The following DISC1 variants were observed in gnomAD, a reference collection of about 807,000 sequenced individuals.
The protein encoded by DISC1 is disrupted in schizophrenia 1 protein.
In DISC1, 57 loss-of-function variants were observed where a neutral mutation model predicts 84.5. That is an observed-to-expected ratio of 0.67 (90% CI 0.55 to 0.84). The LOEUF (loss-of-function observed/expected upper bound fraction) is 0.84, where lower values mean the gene tolerates loss of function less well. Ranked by LOEUF, DISC1 falls within the 40% of genes least tolerant of loss-of-function variation. The pLI is 0.00. For missense variants in DISC1, 1,000 were observed against 1,057.8 expected (o/e 0.95, Z 0.76); for synonymous variants, 411 against 415.2 (o/e 0.99, Z 0.12).
At chr1:231,866,707 A>G in intron 9 of DISC1, 1 of 1,361,452 alleles carries the variant, frequency 7.3e-7, no homozygotes, top group Non-Finnish European at 9.5e-7. Flanking sequence ...AAAAAAAGAA[A>G]AGAAAGCATG....
intron 10 of DISC1, among the ~76,000 whole-genome samples, chr1:231,977,674 TA>T (rs895591477): frequency 1.3e-5 from 2 of 152,188 alleles, no homozygotes; most frequent in Non-Finnish European, 2.9e-5. Flanking sequence ...AACATGGACA[TA>T]TCTGGGGAGC....
chr1:232,015,931 C>G (rs1383001088), intron 11 of DISC1, among the ~76,000 whole-genome samples: 1 of 152,100 alleles, frequency 6.6e-6, no homozygotes, highest in African/African-American at 2.4e-5. Flanking sequence ...TGATTAGGAA[C>G]CTCAGGCCAA....
intron 9 of DISC1, among the ~76,000 whole-genome samples, chr1:231,919,206 C>T (rs1390042332): frequency 6.6e-6 from 1 of 152,196 alleles, no homozygotes; most frequent in Non-Finnish European, 1.5e-5. Context: ...TTTATACCAG[C>T]TCAGTGGCAC....
intron 6 of DISC1, among the ~76,000 whole-genome samples, chr1:231,773,415 C>G (rs1297982594): frequency 2.0e-5 from 3 of 152,190 alleles, no homozygotes; most frequent in Admixed American, 2.0e-4. Flanking sequence ...GATAGAGTCT[C>G]TCTCTGTCAC....
chr1:231,889,166 G>A lies in DISC1; in HGVS notation c.1982-69662G>A, dbSNP rs146711108. 8.9e-3 allele frequency among the ~76,000 whole-genome samples: 1,357 copies of A among 152,292 alleles called. 5 individuals are homozygous for A. Among genetic ancestry groups the A allele is most frequent in the Middle Eastern group, 0.031 (9 of 294 alleles). On this transcript the variant is annotated intron_variant, in intron 9 of 12. Coordinates refer to ENST00000439617, the MANE Select transcript of DISC1 (RefSeq NM_018662.3). ...TAGGCAGAAAGCACCTGAGTTGACA[G>A]CAAGAACTGAGAGTTCTGGGTCTGC...
intron 1 of DISC1, among the ~76,000 whole-genome samples, chr1:231,689,421 T>A (rs892791326): frequency 2.6e-5 from 4 of 151,928 alleles, no homozygotes; most frequent in Non-Finnish European, 4.4e-5. Context: ...AACCTCCGTC[T>A]CCCAGGTTCC....
At position 231,796,657 on chromosome 1, in the gene DISC1, G is replaced by C. The variant is rs1403537297; in HGVS notation, c.1689+1361G>C. ...GGTAATTATAACTTGTGTACAAAGAGAGCTTCCTGTTAGGAACAAGTGGTG... is the reference window on the plus strand; with the variant it reads ...GGTAATTATAACTTGTGTACAAAGACAGCTTCCTGTTAGGAACAAGTGGTG... On this transcript the variant is annotated intron_variant, in intron 7 of 12. Transcript: ENST00000439617. Among the ~76,000 whole-genome samples, 7 of 152,290 alleles carry C rather than the reference G, an allele frequency of 4.6e-5. No homozygotes were observed. In the East Asian group the frequency reaches 5.8e-4, roughly 13 times the overall value.
chr1:231,973,164 A>G (rs1018060868), intron 10 of DISC1, among the ~76,000 whole-genome samples: 6 of 151,432 alleles, frequency 4.0e-5, no homozygotes, highest in Non-Finnish European at 8.8e-5. Flanking sequence ...CTCCTGCCTC[A>G]GACTCCTGAG....
intron 6 of DISC1, among the ~76,000 whole-genome samples, chr1:231,778,918 G>A (rs1349394134): frequency 2.0e-5 from 3 of 152,166 alleles, no homozygotes; most frequent in Non-Finnish European, 4.4e-5. Context: ...GGGCCGGGAG[G>A]TCGGATTTGC....
At chr1:231,707,572 A>G (rs1049220604) in intron 3 of DISC1, among the ~76,000 whole-genome samples, 1 of 152,196 alleles carries the variant, frequency 6.6e-6, no homozygotes, top group Non-Finnish European at 1.5e-5. Flanking sequence ...AGACCTGCAA[A>G]CACAAATGGG....
intron 1 of DISC1, among the ~76,000 whole-genome samples, chr1:231,685,460 AT>A (rs910480082): frequency 7.4e-5 from 11 of 148,850 alleles, no homozygotes; most frequent in East Asian, 2.0e-4. Flanking sequence ...ATCTTATTGT[AT>A]TTTTTTTTTG....
chr1:231,640,752 TCTCAAACTGCTGGG>T lies in DISC1; in HGVS notation c.67+13824_67+13837del, dbSNP rs566862325. Among the ~76,000 whole-genome samples the T allele has an allele frequency of 2.3e-3, 352 of 152,132 alleles. 1 individual carries two copies. The highest frequency in any genetic ancestry group is 7.5e-3 in the African/African-American group (311 of 41,498). Reference sequence around the variant, plus strand: ...GATCTCCCTATGTTACCCGGGCTGGTCTCAAACTGCTGGGCTCAAGAAAACCTCCTGCCTCTGTC... The same window carrying T: ...GATCTCCCTATGTTACCCGGGCTGGTCTCAAGAAAACCTCCTGCCTCTGTC... On this transcript the variant is annotated intron_variant, in intron 1 of 12. Transcript: ENST00000439617.
At chr1:232,010,312 G>A (rs1301059698) in intron 11 of DISC1, among the ~76,000 whole-genome samples, 1 of 152,184 alleles carries the variant, frequency 6.6e-6, no homozygotes, top group Non-Finnish European at 1.5e-5. Context: ...AGAATATTCT[G>A]GGGTGGAGGG....
chr1:231,901,686 C>T (rs1048916957), intron 9 of DISC1, among the ~76,000 whole-genome samples: 2 of 152,150 alleles, frequency 1.3e-5, no homozygotes, highest in Non-Finnish European at 2.9e-5. Context: ...TCTTCTGATC[C>T]CATTTTTTCT....
chr1:231,856,015 C>G (rs184553810), intron 9 of DISC1, among the ~76,000 whole-genome samples: 64 of 152,282 alleles, frequency 4.2e-4, no homozygotes, highest in Admixed American at 1.7e-3. Context: ...ACACTTCTAC[C>G]TTTGTTTTTG....
chr1:231,850,230 G>T (rs1472918180), intron 9 of DISC1, among the ~76,000 whole-genome samples: 1 of 152,166 alleles, frequency 6.6e-6, no homozygotes, highest in African/African-American at 2.4e-5. Context: ...CTTCCCCTTG[G>T]CTGTCTTTAT....
chr1:231,646,904 CTTGT>C (rs1318999481), intron 1 of DISC1, among the ~76,000 whole-genome samples: 1 of 151,608 alleles, frequency 6.6e-6, no homozygotes, highest in South Asian at 2.1e-4. Context: ...TTTTGATGGG[CTTGT>C]TTATTTGTTT....
intron 10 of DISC1, among the ~76,000 whole-genome samples, chr1:231,978,868 A>G (rs904224306): frequency 6.6e-6 from 1 of 152,196 alleles, no homozygotes; most frequent in Non-Finnish European, 1.5e-5. Flanking sequence ...TAAATCCTGT[A>G]GATCAGGGGT....
chr1:231,753,997 C>A (rs1273517806), intron 4 of DISC1, among the ~76,000 whole-genome samples: 1 of 152,196 alleles, frequency 6.6e-6, no homozygotes, highest in Non-Finnish European at 1.5e-5. Context: ...TCATTTCCAT[C>A]TGAGACCTCA....
Sources: allele counts gnomAD v4.1 joint callset (sites outside exome capture counted in the v4.1 genomes callset), GRCh38; gene constraint gnomAD v4.1.1; transcripts MANE v1.5; gene names NCBI Gene and HGNC (gene_info 2026-07-23, HGNC 2026-07-21).